The following ITPR2 variants were observed in gnomAD, a reference collection of about 807,000 sequenced individuals.
ITPR2 encodes inositol 1,4,5-trisphosphate receptor type 2.
Under a neutral mutation model 317.1 loss-of-function variants are expected in ITPR2, and 207 were observed. That is an observed-to-expected ratio of 0.65 (90% CI 0.58 to 0.73). The LOEUF is 0.73. ITPR2 is among the 30% of genes least tolerant of loss of function. The pLI, the probability that ITPR2 is intolerant of heterozygous loss-of-function variation, is 0.00. For synonymous variants in ITPR2, 1,156 were observed against 1,149.1 expected (o/e 1.01, Z -0.12); for missense variants, 2,613 against 3,284.0 (o/e 0.80, Z 4.99).
chr12:26,577,421 C>T (rs1242100876), intron 34 of ITPR2, among the ~76,000 whole-genome samples: 1 of 152,200 alleles, frequency 6.6e-6, no homozygotes, highest in Admixed American at 6.5e-5. Context: ...ATTTTCCAAT[C>T]AAGAAATTAT....
intron 2 of ITPR2, among the ~76,000 whole-genome samples, chr12:26,729,494 A>G (rs2137058369): frequency 6.6e-6 from 1 of 152,324 alleles, no homozygotes; most frequent in African/African-American, 2.4e-5. Context: ...TTATGAAGAC[A>G]CATGCACACA....
chr12:26,629,585 CAA>C (rs5797182), intron 22 of ITPR2, among the ~76,000 whole-genome samples: 17 of 144,366 alleles, frequency 1.2e-4, no homozygotes, highest in East Asian at 4.0e-4. Flanking sequence ...GACCCTGTCT[CAA>C]AAAAAAAAAA....
At chr12:26,582,828 C>T (rs1166890583) in intron 32 of ITPR2, among the ~76,000 whole-genome samples, 2 of 152,132 alleles carry the variant, frequency 1.3e-5, no homozygotes, top group East Asian at 3.8e-4. Context: ...TTATTACCAC[C>T]AAATAGCTTT....
chr12:26,739,066 C>T (rs1166154926), intron 2 of ITPR2, among the ~76,000 whole-genome samples: 1 of 152,180 alleles, frequency 6.6e-6, no homozygotes, highest in Admixed American at 6.5e-5. Flanking sequence ...ACACTCAATA[C>T]CACTGGTCAT....
At chr12:26,793,395 G>A (rs1312888462) in intron 1 of ITPR2, among the ~76,000 whole-genome samples, 2 of 151,972 alleles carry the variant, frequency 1.3e-5, no homozygotes, top group Non-Finnish European at 2.9e-5. Flanking sequence ...ACCTTCCTTT[G>A]TCCAGACCTA....
chr12:26,342,387 T>C (rs181345253), intron 55 of ITPR2, among the ~76,000 whole-genome samples: 220 of 151,690 alleles, frequency 1.5e-3, no homozygotes, highest in Non-Finnish European at 2.8e-3. Context: ...ATGAAGAAAG[T>C]GAGGTGCCAT....
At chr12:26,778,994 T>C (rs2137172895) in intron 2 of ITPR2, among the ~76,000 whole-genome samples, 1 of 152,304 alleles carries the variant, frequency 6.6e-6, no homozygotes, top group Middle Eastern at 3.4e-3. Context: ...TTTGGGTGTG[T>C]TACTCCAACT....
intron 1 of ITPR2, among the ~76,000 whole-genome samples, chr12:26,807,883 C>G (rs1950666228): frequency 6.6e-6 from 1 of 152,170 alleles, no homozygotes; most frequent in Non-Finnish European, 1.5e-5. Flanking sequence ...AAGTACAACT[C>G]TTAAACATGG....
At chr12:26,385,449 C>A (rs1262252680) in intron 55 of ITPR2, among the ~76,000 whole-genome samples, 1 of 152,174 alleles carries the variant, frequency 6.6e-6, no homozygotes, top group African/African-American at 2.4e-5. Flanking sequence ...CATCTGCTGC[C>A]AAATTCCATC....
At chr12:26,537,769 C>A (rs918222875) in intron 37 of ITPR2, among the ~76,000 whole-genome samples, 5 of 152,086 alleles carry the variant, frequency 3.3e-5, no homozygotes, top group Non-Finnish European at 7.4e-5. Context: ...TAATTAAAAA[C>A]CCAGCCAAAA....
At chr12:26,480,311 C>A (rs543217368) in intron 43 of ITPR2, among the ~76,000 whole-genome samples, 2 of 152,084 alleles carry the variant, frequency 1.3e-5, no homozygotes, top group Non-Finnish European at 2.9e-5. Context: ...GTGCACAAGG[C>A]TTAAACTAAA....
At chr12:26,524,881 T>C (rs1943769017) in intron 37 of ITPR2, among the ~76,000 whole-genome samples, 1 of 152,254 alleles carries the variant, frequency 6.6e-6, no homozygotes, top group Admixed American at 6.5e-5. Flanking sequence ...TGACTGTTAC[T>C]GTAACAAGAT....
In ITPR2 at chr12:26,597,123, C is replaced by T; in HGVS notation, c.4014G>A (p.Gly1338=). 2 of 1,613,730 alleles carry T rather than the reference C, an allele frequency of 1.2e-6. No homozygotes were observed. The highest frequency in any genetic ancestry group is 1.7e-6 in the Non-Finnish European group (2 of 1,179,938). The part of the protein sequence containing the change: ...QDMVMTELIN[G]GEDVLIFYND... ...TGTAAAATATCAGCACGTCTTCACCCCCATTTATCAACTGAAATGATAATA... is the reference window on the plus strand; with the variant it reads ...TGTAAAATATCAGCACGTCTTCACCTCCATTTATCAACTGAAATGATAATA... The change falls in exon 31 of 57, where the codon GGG becomes GGA. Residue 1338 remains glycine (G), a synonymous_variant. Transcript: ENST00000381340.
chr12:26,582,685 C>T (rs1203957644), intron 32 of ITPR2, among the ~76,000 whole-genome samples: 1 of 151,990 alleles, frequency 6.6e-6, no homozygotes, highest in Non-Finnish European at 1.5e-5. Context: ...ATTTTTTTGG[C>T]ATATTTCACC....
intron 45 of ITPR2, among the ~76,000 whole-genome samples, chr12:26,466,930 G>A (rs1349928814): frequency 6.6e-6 from 1 of 152,094 alleles, no homozygotes; most frequent in East Asian, 1.9e-4. Context: ...GTAATTGTAC[G>A]TTACTTAAAA....
At chr12:26,451,894 A>G (rs1277584715) in intron 45 of ITPR2, among the ~76,000 whole-genome samples, 1 of 152,240 alleles carries the variant, frequency 6.6e-6, no homozygotes, top group Non-Finnish European at 1.5e-5. Context: ...CTATCTTTGT[A>G]CTACGATTTT....
intron 21 of ITPR2, 63 bp downstream of exon 21, chr12:26,653,913 T>A (rs1947314300): frequency 1.4e-6 from 2 of 1,396,604 alleles, no homozygotes; most frequent in Non-Finnish European, 2.0e-6. Context: ...TCTCTGTAGT[T>A]TTGTTTTTTA....
intron 23 of ITPR2, 94 bp downstream of exon 23, chr12:26,627,939 A>T: frequency 8.3e-7 from 1 of 1,203,482 alleles, no homozygotes; most frequent in Middle Eastern, 2.7e-4. Flanking sequence ...TTTAAAAAGC[A>T]CAAAAAATAT....
intron 23 of ITPR2, among the ~76,000 whole-genome samples, chr12:26,626,787 G>A (rs1946632095): frequency 6.6e-6 from 1 of 152,210 alleles, no homozygotes; most frequent in Non-Finnish European, 1.5e-5. Context: ...CTAACTGATT[G>A]ATGGACGAAG....
Sources: gnomAD v4.1 joint callset for allele counts (sites outside exome capture counted in the v4.1 genomes callset) on GRCh38, gnomAD v4.1.1 for gene constraint, MANE v1.5 for transcripts, NCBI Gene and HGNC (gene_info 2026-07-23, HGNC 2026-07-21) for gene names.